DTNB: variants seen among roughly 807,000 people sequenced by gnomAD.
DTNB encodes the protein DTN-B.
DTNB carries 63 observed loss-of-function variants against 90.7 expected under a neutral mutation model. The observed-to-expected ratio is 0.69, with a 90% confidence interval of 0.57 to 0.86. The LOEUF (loss-of-function observed/expected upper bound fraction) is 0.86. Among genes scored for constraint, DTNB ranks in the 40% least tolerant of loss-of-function variants. The pLI, the probability that DTNB is intolerant of heterozygous loss-of-function variation, is 0.00. For synonymous variants in DTNB, 277 were observed against 286.7 expected (o/e 0.97, Z 0.34); for missense variants, 744 against 807.1 (o/e 0.92, Z 0.95).
At chr2:25,664,535 G>A (rs960642565) in intron 1 of DTNB, among the ~76,000 whole-genome samples, 10 of 152,046 alleles carry the variant, frequency 6.6e-5, no homozygotes, top group Admixed American at 6.5e-4. Context: ...CTAGCTTACC[G>A]TACGTGACAG....
At chr2:25,666,950 A>G (rs575805472) in intron 1 of DTNB, among the ~76,000 whole-genome samples, 3 of 152,276 alleles carry the variant, frequency 2.0e-5, no homozygotes, top group Non-Finnish European at 2.9e-5. Flanking sequence ...CTAGGCTTAG[A>G]TAAGTGGGAA....
chr2:25,430,971 A>T (rs2053666240), intron 14 of DTNB, among the ~76,000 whole-genome samples: 1 of 152,186 alleles, frequency 6.6e-6, no homozygotes, highest in Non-Finnish European at 1.5e-5. Context: ...GAAGTTGTCT[A>T]CCTTGTTTTA....
chr2:25,551,486 T>C (rs937335146), intron 8 of DTNB, among the ~76,000 whole-genome samples: 1 of 152,238 alleles, frequency 6.6e-6, no homozygotes, highest in Non-Finnish European at 1.5e-5. Flanking sequence ...GATCCTTGGC[T>C]GAATCTGTTC....
intron 3 of DTNB, among the ~76,000 whole-genome samples, chr2:25,633,492 G>C (rs2076252192): frequency 6.6e-6 from 1 of 152,226 alleles, no homozygotes; most frequent in South Asian, 2.1e-4. Flanking sequence ...CTGGAGTGCA[G>C]TGGCGTGATC....
At chr2:25,573,033 G>A (rs554578805) in intron 8 of DTNB, among the ~76,000 whole-genome samples, 3 of 151,680 alleles carry the variant, frequency 2.0e-5, no homozygotes, top group South Asian at 2.1e-4. Context: ...CTCAACCTCC[G>A]CCTCCCAGGT....
intron 5 of DTNB, among the ~76,000 whole-genome samples, chr2:25,604,200 CCACCAACAA>C (rs1236467098): frequency 6.6e-6 from 1 of 151,920 alleles, no homozygotes; most frequent in Non-Finnish European, 1.5e-5. Flanking sequence ...ACCACCACCA[CCACCAACAA>C]CAACAAAAAA....
intron 16 of DTNB, among the ~76,000 whole-genome samples, chr2:25,413,405 T>C (rs1402758386): frequency 7.3e-6 from 1 of 137,520 alleles, no homozygotes; most frequent in Non-Finnish European, 1.6e-5. Context: ...CCTAATGCTA[T>C]CCCTCCCCCC....
Position 25,387,371 on chromosome 2 carries a change from C to G in DTNB, c.1743G>C (p.Arg581Ser). The G allele has an allele frequency of 6.2e-7, 1 of 1,612,112 alleles. No homozygotes were observed. ...DVQEAFAQGT[R>S]RNLRNDLLVA... ...CCAGCAGGTCATTGCGGAGGTTTCTCCTCGTACCTGAGGAGAGGCAGAGCA... is the reference window on the plus strand; with the variant it reads ...CCAGCAGGTCATTGCGGAGGTTTCTGCTCGTACCTGAGGAGAGGCAGAGCA... The change falls in exon 18 of 21, where the codon AGG becomes AGC. Residue 581 changes from arginine to serine, a missense_variant. Arg to Ser is a moderately radical substitution (Grantham distance 110). Coordinates refer to ENST00000406818, the MANE Select transcript of DTNB (RefSeq NM_021907.5). The surrounding 1 kb of genome is among the most constrained non-coding windows in gnomAD (Gnocchi z 4.5).
At chr2:25,579,539 TAAC>T (rs2061237425) in intron 7 of DTNB, among the ~76,000 whole-genome samples, 1 of 152,148 alleles carries the variant, frequency 6.6e-6, no homozygotes, top group Non-Finnish European at 1.5e-5. Context: ...GCCTTCCCCT[TAAC>T]AAACTCCAAC....
chr2:25,518,787 G>A (rs765638591), intron 9 of DTNB, among the ~76,000 whole-genome samples: 13 of 152,120 alleles, frequency 8.5e-5, no homozygotes, highest in Non-Finnish European at 1.3e-4. Context: ...AGCCTGAAAC[G>A]GAGCAAAACA....
chr2:25,620,414 G>C (rs2072218399), intron 4 of DTNB, among the ~76,000 whole-genome samples: 1 of 152,148 alleles, frequency 6.6e-6, no homozygotes, highest in African/African-American at 2.4e-5. Context: ...CTCTGGACTT[G>C]TTACTACTTC....
At chr2:25,635,047 G>T (rs1306392222) in intron 3 of DTNB, among the ~76,000 whole-genome samples, 2 of 108,782 alleles carry the variant, frequency 1.8e-5, no homozygotes, top group Non-Finnish European at 1.9e-5. Context: ...ACCCAAGAAT[G>T]ATCAATAAAA....
chr2:25,510,469 G>A (rs1455215835), intron 9 of DTNB, among the ~76,000 whole-genome samples: 1 of 151,200 alleles, frequency 6.6e-6, no homozygotes. Context: ...GAACTTATCT[G>A]TGGAGATTAC....
intron 9 of DTNB, among the ~76,000 whole-genome samples, chr2:25,497,038 G>T (rs756014512): frequency 3.3e-5 from 5 of 152,156 alleles, no homozygotes; most frequent in Non-Finnish European, 5.9e-5. Context: ...TTTCTCTACA[G>T]ATCTGGCTTC....
chr2:25,659,914 C>T (rs567928848), intron 1 of DTNB, among the ~76,000 whole-genome samples: 5 of 152,228 alleles, frequency 3.3e-5, no homozygotes, highest in African/African-American at 1.2e-4. Context: ...AAACTACCAA[C>T]CAATGTTCAT....
chr2:25,421,448 G>A (rs984391775), intron 15 of DTNB, among the ~76,000 whole-genome samples: 4 of 152,248 alleles, frequency 2.6e-5, no homozygotes, highest in Non-Finnish European at 4.4e-5. Flanking sequence ...GAATTAGAGC[G>A]CTTCTGCTTT....
At chr2:25,454,027 G>C (rs1030164075) in intron 11 of DTNB, among the ~76,000 whole-genome samples, 1 of 152,030 alleles carries the variant, frequency 6.6e-6, no homozygotes, top group Non-Finnish European at 1.5e-5. Context: ...ATGAGCGCCT[G>C]TGGTCCCAGC....
In DTNB at chr2:25,427,523, A is replaced by C; in HGVS notation, c.1554+12T>G. 2 of 1,613,396 alleles carry C rather than the reference A, an allele frequency of 1.2e-6. No individual in the cohort carries two copies. The highest frequency in any genetic ancestry group is 8.5e-7 in the Non-Finnish European group (1 of 1,179,562). On this transcript the variant is annotated intron_variant, in intron 15 of 20. Transcript: ENST00000406818. ...GAATGACAAGAACTGAGCGTGGGCC[A>C]CGGGCTCTTACCTTCAGCAACTTCA...
intron 12 of DTNB, among the ~76,000 whole-genome samples, chr2:25,436,982 G>A (rs1184975296): frequency 6.6e-6 from 1 of 152,134 alleles, no homozygotes; most frequent in African/African-American, 2.4e-5. Flanking sequence ...AAAGCCAAGG[G>A]ATCTTCCACA....
Sources: gnomAD v4.1 joint callset for allele counts (sites outside exome capture counted in the v4.1 genomes callset) on GRCh38, gnomAD v4.1.1 for gene constraint, Gnocchi (gnomAD v3.1) non-coding constraint, MANE v1.5 for transcripts, NCBI Gene and HGNC (gene_info 2026-07-23, HGNC 2026-07-21) for gene names.